The following FOXP1 variants were observed in gnomAD, a reference collection of about 807,000 sequenced individuals.
The protein encoded by FOXP1 is forkhead box protein P1.
In FOXP1, 15 loss-of-function variants were observed where a neutral mutation model predicts 98.2. The observed-to-expected ratio is 0.15, with a 90% confidence interval of 0.10 to 0.24. FOXP1 has a LOEUF of 0.24. FOXP1 is among the 10% of genes least tolerant of loss of function. The probability of loss-of-function intolerance (pLI) is 1.00; values close to 1 mark genes in which losing one functional copy is unlikely to be tolerated. For synonymous variants in FOXP1, 371 were observed against 314.5 expected (o/e 1.18, Z -1.90); for missense variants, 633 against 848.5 (o/e 0.75, Z 3.15).
chr3:71,261,586 A>C (rs1028918894), intron 5 of FOXP1, among the ~76,000 whole-genome samples: 34 of 152,204 alleles, frequency 2.2e-4, no homozygotes, highest in African/African-American at 7.5e-4. Flanking sequence ...ACCCACAATA[A>C]AAGAACACAG....
intron 6 of FOXP1, among the ~76,000 whole-genome samples, chr3:71,185,192 CAA>C (rs34104249): frequency 7.0e-6 from 1 of 142,468 alleles, no homozygotes; most frequent in Non-Finnish European, 1.5e-5. Context: ...GACTCCGTCT[CAA>C]AAAAAAAAAG....
At chr3:71,089,604 C>T (rs368387143) in intron 7 of FOXP1, among the ~76,000 whole-genome samples, 9 of 152,314 alleles carry the variant, frequency 5.9e-5, no homozygotes, top group African/African-American at 2.2e-4. Context: ...TTTCTTCCTG[C>T]AGGAACACTC....
chr3:71,059,099 C>G (rs201253037), intron 7 of FOXP1, among the ~76,000 whole-genome samples: 1 of 152,132 alleles, frequency 6.6e-6, no homozygotes, highest in East Asian at 1.9e-4. Context: ...ATACAACCAA[C>G]TATTAAAAAT....
chr3:71,432,275 C>G (rs992783650), intron 3 of FOXP1, among the ~76,000 whole-genome samples: 1 of 152,188 alleles, frequency 6.6e-6, no homozygotes, highest in African/African-American at 2.4e-5. Context: ...AGCACAGACG[C>G]AGAATATTCC....
chr3:71,276,469 C>T (rs2070902068), intron 5 of FOXP1: 1 of 152,192 alleles, frequency 6.6e-6, no homozygotes, highest in South Asian at 2.1e-4. Context: ...ACACGCTACT[C>T]ACTCAGCCAA....
intron 2 of FOXP1, among the ~76,000 whole-genome samples, chr3:71,574,794 A>C (rs1471768795): frequency 6.6e-6 from 1 of 152,220 alleles, no homozygotes; most frequent in Non-Finnish European, 1.5e-5. Flanking sequence ...AAATTATCTG[A>C]TATTGACATT....
intron 3 of FOXP1, among the ~76,000 whole-genome samples, chr3:71,476,795 C>T (rs145182395): frequency 5.3e-5 from 8 of 152,082 alleles, no homozygotes; most frequent in African/African-American, 1.7e-4. Context: ...TGAGCCACTG[C>T]GCCGGGCCGC....
chr3:71,298,643 G>A (rs966105208), intron 5 of FOXP1, among the ~76,000 whole-genome samples: 2 of 151,952 alleles, frequency 1.3e-5, no homozygotes, highest in Admixed American at 6.6e-5. Context: ...TCCTGCAAAG[G>A]TTTCATTTAA....
chr3:71,319,907 G>A (rs888612252), intron 4 of FOXP1, among the ~76,000 whole-genome samples: 1 of 152,088 alleles, frequency 6.6e-6, no homozygotes, highest in Non-Finnish European at 1.5e-5. Flanking sequence ...CAAACACTCT[G>A]GAGGCACATT....
At chr3:71,530,853 A>G (rs1406406887) in intron 2 of FOXP1, among the ~76,000 whole-genome samples, 2 of 152,196 alleles carry the variant, frequency 1.3e-5, no homozygotes, top group Non-Finnish European at 2.9e-5. Context: ...GGAGGGGTCA[A>G]TGAAAACCTG....
intron 3 of FOXP1, among the ~76,000 whole-genome samples, chr3:71,463,750 A>C (rs893281492): frequency 1.3e-5 from 2 of 152,180 alleles, no homozygotes. Context: ...AACACAGCAC[A>C]GTTCAATTAA....
chr3:71,505,640 T>C (rs748254844), intron 2 of FOXP1, among the ~76,000 whole-genome samples: 5 of 152,084 alleles, frequency 3.3e-5, no homozygotes, highest in Non-Finnish European at 5.9e-5. Context: ...TTAGCCAGGA[T>C]AGTCTCGATC....
intron 4 of FOXP1, among the ~76,000 whole-genome samples, chr3:71,311,762 C>A (rs1448992232): frequency 6.6e-6 from 1 of 152,254 alleles, no homozygotes; most frequent in Admixed American, 6.5e-5. Flanking sequence ...TCTGTGCCCA[C>A]AGGGCCTGAG....
At chr3:71,400,363 A>ATT (rs34221027) in intron 3 of FOXP1, among the ~76,000 whole-genome samples, 2 of 150,224 alleles carry the variant, frequency 1.3e-5, no homozygotes, top group Admixed American at 6.6e-5. Flanking sequence ...TTTATGTATG[A>ATT]TTTTTTTTTT....
chr3:71,373,823 T>C (rs1303495446), intron 3 of FOXP1, among the ~76,000 whole-genome samples: 1 of 152,184 alleles, frequency 6.6e-6, no homozygotes, highest in East Asian at 1.9e-4. Flanking sequence ...ACCTCTACCC[T>C]GCTAATGATA....
At chr3:71,107,615 A>G (rs2057547079) in intron 7 of FOXP1, among the ~76,000 whole-genome samples, 1 of 152,174 alleles carries the variant, frequency 6.6e-6, no homozygotes. Flanking sequence ...CATTAAAAAA[A>G]AAAGTTTGCT....
intron 4 of FOXP1, among the ~76,000 whole-genome samples, chr3:71,322,684 G>T (rs554540291): frequency 6.6e-6 from 1 of 152,254 alleles, no homozygotes; most frequent in Non-Finnish European, 1.5e-5. Flanking sequence ...GAATTATATG[G>T]GGGAGCAGTG....
At chr3:71,498,988 G>C (rs143430717) in intron 2 of FOXP1, among the ~76,000 whole-genome samples, 1 of 152,168 alleles carries the variant, frequency 6.6e-6, no homozygotes. Context: ...TTACCTGGTT[G>C]AGTTATGGCA....
intron 17 of FOXP1, among the ~76,000 whole-genome samples, chr3:70,975,956 T>G (rs531132177): frequency 2.0e-5 from 3 of 152,226 alleles, no homozygotes; most frequent in Admixed American, 2.0e-4. Context: ...GCTATGCAAT[T>G]TGACTTGTTT....
Sources: allele counts gnomAD v4.1 joint callset (sites outside exome capture counted in the v4.1 genomes callset), GRCh38; gene constraint gnomAD v4.1.1; transcripts MANE v1.5; gene names NCBI Gene and HGNC (gene_info 2026-07-23, HGNC 2026-07-21).